The following ZNF33B variants were observed in gnomAD, a reference collection of about 807,000 sequenced individuals.
ZNF33B encodes the protein zinc finger protein 11b (KOX 2).
In ZNF33B, 29 loss-of-function variants were observed where a neutral mutation model predicts 45.8. That is an observed-to-expected ratio of 0.63 (90% CI 0.47 to 0.86). ZNF33B has a LOEUF of 0.86. ZNF33B is among the 40% of genes least tolerant of loss of function. The probability of loss-of-function intolerance (pLI) is 0.00; values close to 1 mark genes in which losing one functional copy is unlikely to be tolerated. For synonymous variants in ZNF33B, 305 were observed against 307.8 expected (o/e 0.99, Z 0.10); for missense variants, 831 against 909.9 (o/e 0.91, Z 1.12).
intron 4 of ZNF33B, among the ~76,000 whole-genome samples, chr10:42,606,174 A>C (rs775926559): frequency 3.3e-5 from 5 of 152,064 alleles, no homozygotes; most frequent in Non-Finnish European, 5.9e-5. Flanking sequence ...CAAAAAAAAT[A>C]AGCAGAGCAG....
intron 1 of ZNF33B, among the ~76,000 whole-genome samples, chr10:42,637,591 G>A (rs1431802456): frequency 1.3e-5 from 2 of 152,244 alleles, no homozygotes; most frequent in South Asian, 2.1e-4. Context: ...CAGTAACCTT[G>A]ACAAACAAAA....
chr10:42,617,135 A>T (rs533818299), intron 4 of ZNF33B, among the ~76,000 whole-genome samples: 33 of 105,044 alleles, frequency 3.1e-4, no homozygotes, highest in African/African-American at 1.2e-3. Context: ...GCAAGGTCTC[A>T]CTCTGTCACC....
At chr10:42,630,760 C>T (rs975454154) in intron 4 of ZNF33B, among the ~76,000 whole-genome samples, 11 of 152,166 alleles carry the variant, frequency 7.2e-5, no homozygotes, top group Non-Finnish European at 2.9e-5. Flanking sequence ...TGAGAAAGAT[C>T]TTACAGAGAT....
chr10:42,634,303 A>T (rs1264229557), intron 2 of ZNF33B, among the ~76,000 whole-genome samples: 1 of 152,054 alleles, frequency 6.6e-6, no homozygotes, highest in African/African-American at 2.4e-5. Flanking sequence ...GTTGCTGGAG[A>T]GGCTGAGACA....
intron 4 of ZNF33B, among the ~76,000 whole-genome samples, chr10:42,609,433 C>G (rs553986834): frequency 3.3e-5 from 5 of 152,070 alleles, no homozygotes; most frequent in Non-Finnish European, 7.4e-5. Context: ...AGACAAAAAA[C>G]AAACAAGAAA....
At chr10:42,617,823 C>T (rs998243010) in intron 4 of ZNF33B, among the ~76,000 whole-genome samples, 7 of 79,598 alleles carry the variant, frequency 8.8e-5, no homozygotes, top group African/African-American at 1.4e-4. Flanking sequence ...AGCCTAACTG[C>T]ATTTGTGATA....
chr10:42,626,636 C>G (rs1337011473), intron 4 of ZNF33B, among the ~76,000 whole-genome samples: 1 of 151,308 alleles, frequency 6.6e-6, no homozygotes, highest in East Asian at 2.0e-4. Context: ...TGCAGTGAGC[C>G]GAGATTGCAC....
In ZNF33B at chr10:42,592,539, GC is replaced by G. The variant is rs1300964906; in HGVS notation, c.*73del. The G allele has an allele frequency of 5.3e-6, 8 of 1,520,914 alleles. No individual in the cohort carries two copies. The African/African-American group carries it at 9.7e-5, about 19-fold the overall frequency. 94.2% of individuals were successfully genotyped at this position (1,520,914 alleles called of 1,614,324 possible). On this transcript the variant is annotated 3_prime_UTR_variant, in exon 5 of 5. Transcript: ENST00000359467. ...TATTGAACATTCAGGATGTCAACAG[GC>G]CCTTCTCCACAGTGTGAAGACTCTG...
chr10:42,611,911 C>T (rs945121732), intron 4 of ZNF33B, among the ~76,000 whole-genome samples: 2 of 152,180 alleles, frequency 1.3e-5, no homozygotes, highest in African/African-American at 4.8e-5. Context: ...AGTTTTATTT[C>T]TTCCTTTCCC....
At chr10:42,605,686 A>C (rs1056298280) in intron 4 of ZNF33B, among the ~76,000 whole-genome samples, 13 of 152,212 alleles carry the variant, frequency 8.5e-5, no homozygotes, top group African/African-American at 3.1e-4. Context: ...CGAGAGAGTA[A>C]AAAAGGCACA....
intron 4 of ZNF33B, 104 bp downstream of exon 4, chr10:42,631,825 T>C (rs1471219274): frequency 4.3e-6 from 4 of 925,100 alleles, no homozygotes; most frequent in Non-Finnish European, 5.3e-6. Flanking sequence ...AGGACCCCTA[T>C]GGAGATGTTC....
intron 4 of ZNF33B, among the ~76,000 whole-genome samples, chr10:42,607,915 C>G (rs1055653715): frequency 7.2e-5 from 11 of 152,036 alleles, no homozygotes; most frequent in African/African-American, 2.7e-4. Flanking sequence ...AATCAAAAAG[C>G]AACAATTCTC....
chr10:42,597,603 T>C (rs1166335614), intron 4 of ZNF33B, among the ~76,000 whole-genome samples: 2 of 152,108 alleles, frequency 1.3e-5, no homozygotes, highest in African/African-American at 4.8e-5. Context: ...AGATAAGTAA[T>C]TTTTGCTAAT....
intron 2 of ZNF33B, 131 bp downstream of exon 2, chr10:42,636,789 C>T (rs560627408): frequency 1.3e-5 from 17 of 1,312,868 alleles, no homozygotes; most frequent in Non-Finnish European, 1.8e-5. Flanking sequence ...GATGGAGACA[C>T]TGCGCTCCAG....
At position 42,590,529 on chromosome 10, in the gene ZNF33B, C is replaced by G. The variant is rs1285527280; in HGVS notation, c.*2084G>C. 6.6e-6 allele frequency: 1 copy of G among 152,202 alleles called. No individual in the cohort carries two copies. The highest frequency in any genetic ancestry group is 2.1e-4 in the South Asian group (1 of 4,812). 9.4% of individuals were successfully genotyped at this position (152,202 alleles called of 1,614,324 possible). A position where few individuals can be genotyped will look rare whatever the true frequency, so the allele number is the denominator to read the frequency against. On this transcript the variant is annotated 3_prime_UTR_variant, in exon 5 of 5. Coordinates refer to ENST00000359467, the MANE Select transcript of ZNF33B (RefSeq NM_006955.3). Reference sequence around the variant, plus strand: ...CCTCCTGAGTAGCTTGGACTATACACGCATGCCACCACGCCCGGCTAACTT... The same window carrying G: ...CCTCCTGAGTAGCTTGGACTATACAGGCATGCCACCACGCCCGGCTAACTT...
chr10:42,623,924 A>T (rs1838694745), intron 4 of ZNF33B, among the ~76,000 whole-genome samples: 1 of 152,248 alleles, frequency 6.6e-6, no homozygotes, highest in Admixed American at 6.5e-5. Flanking sequence ...TTTTGTCAAC[A>T]GTTTGTCAAA....
intron 2 of ZNF33B, among the ~76,000 whole-genome samples, chr10:42,635,810 A>C (rs1484390958): frequency 8.4e-6 from 1 of 118,650 alleles, no homozygotes; most frequent in Admixed American, 8.3e-5. Flanking sequence ...CTCTGTATCC[A>C]AAAAAAAAAA....
chr10:42,616,406 C>T (rs1382423471), intron 4 of ZNF33B, among the ~76,000 whole-genome samples: 6 of 152,012 alleles, frequency 3.9e-5, no homozygotes, highest in Non-Finnish European at 8.8e-5. Flanking sequence ...AATAACACAA[C>T]TGATATGCAT....
chr10:42,594,111 C>CA lies in ZNF33B; in HGVS notation c.838dup (p.Cys280LeufsTer2), dbSNP rs1232247615. The CA allele has an allele frequency of 6.2e-7, 1 of 1,613,878 alleles. No individual in the cohort carries two copies. The highest frequency in any genetic ancestry group is 8.5e-7 in the Non-Finnish European group (1 of 1,179,956). Reference sequence around the variant, plus strand: ...GGACTTCACACATAAGAACTTCTCACAATCACTAAATTCATAGTGACTGTC... The same window carrying CA: ...GGACTTCACACATAAGAACTTCTCACAAATCACTAAATTCATAGTGACTGTC... On this transcript the variant is annotated frameshift_variant, in exon 5 of 5. Transcript: ENST00000359467. LOFTEE classifies it low-confidence loss of function (END_TRUNC).
Sources: allele counts gnomAD v4.1 joint callset (sites outside exome capture counted in the v4.1 genomes callset), GRCh38; gene constraint gnomAD v4.1.1; transcripts MANE v1.5; gene names NCBI Gene and HGNC (gene_info 2026-07-23, HGNC 2026-07-21).